Variants in MAP6 observed in about 807,000 individuals in gnomAD.
MAP6 encodes the protein microtubule associated protein 6.
MAP6 carries 26 observed loss-of-function variants against 42.4 expected under a neutral mutation model. The observed-to-expected ratio is 0.61, with a 90% CI of 0.45 to 0.85. The LOEUF (loss-of-function observed/expected upper bound fraction) is 0.85, where lower values mean the gene tolerates loss of function less well. MAP6 is among the 40% of genes least tolerant of loss of function. The pLI is 0.00. For missense variants in MAP6, 966 were observed against 1,099.0 expected, an observed-to-expected ratio of 0.88 and a Z score of 1.71; for synonymous variants, 418 against 443.8, an observed-to-expected ratio of 0.94 and a Z score of 0.73.
intron 1 of MAP6, among the ~76,000 whole-genome samples, chr11:75,633,710 T>C (rs964110808): frequency 6.6e-6 from 1 of 152,166 alleles, no homozygotes; most frequent in Admixed American, 6.5e-5. Context: ...GAAGTGAGCC[T>C]TGTGGGCTTC....
In MAP6 at chr11:75,646,579, C is replaced by T. The variant is rs1590800202; in HGVS notation, c.905+20886G>A. On this transcript the variant is annotated intron_variant, in intron 1 of 3. Transcript: ENST00000304771. ...CAGCACTCTGGGAGGCCGAGGTGGG[C>T]GGATCACCTGAGGTTGGGAGTTCGA... Among the ~76,000 whole-genome samples the T allele has an allele frequency of 2.0e-5, 3 of 146,602 alleles. No homozygotes were observed. In the South Asian group the frequency reaches 6.5e-4, roughly 32 times the overall value.
chr11:75,607,484 T>TTAGG (rs1565258819), intron 2 of MAP6: 4 of 985,348 alleles, frequency 4.1e-6, no homozygotes. Context: ...TGGAGGAATG[T>TTAGG]TACCTTAGGA....
At position 75,668,417 on chromosome 11, in the gene MAP6, G is replaced by A. The variant is rs1472768892; in HGVS notation, c.-48C>T. The A allele has an allele frequency of 6.5e-7, 1 of 1,549,242 alleles. No individual in the cohort carries two copies. Among genetic ancestry groups the A allele is most frequent in the Non-Finnish European group, 8.7e-7 (1 of 1,154,676 alleles). ...TCCTCTTTCTTCTTGTGGTTCTAAAGCAAGTCTCTATAATCTTCCTTCAGC... is the reference window on the plus strand; with the variant it reads ...TCCTCTTTCTTCTTGTGGTTCTAAAACAAGTCTCTATAATCTTCCTTCAGC... On this transcript the variant is annotated 5_prime_UTR_variant, in exon 1 of 4. Transcript: ENST00000304771.
chr11:75,654,506 T>C (rs772126118), intron 1 of MAP6, among the ~76,000 whole-genome samples: 6 of 152,200 alleles, frequency 3.9e-5, no homozygotes, highest in African/African-American at 7.2e-5. Context: ...CTTACCACTA[T>C]GACTATACTT....
At chr11:75,602,768 A>G (rs571238506) in intron 3 of MAP6, 2 of 933,310 alleles carry the variant, frequency 2.1e-6, no homozygotes, top group South Asian at 5.0e-5. Flanking sequence ...ACTGCAGGGC[A>G]CAGCTCATCT....
At chr11:75,606,789 A>C (rs1942786590) in intron 2 of MAP6, among the ~76,000 whole-genome samples, 1 of 151,504 alleles carries the variant, frequency 6.6e-6, no homozygotes, top group Non-Finnish European at 1.5e-5. Flanking sequence ...TTCTAAGCTC[A>C]CTCCACTCTC....
At chr11:75,606,323 C>T (rs76803820) in intron 2 of MAP6, among the ~76,000 whole-genome samples, 352 of 152,306 alleles carry the variant, frequency 2.3e-3, no homozygotes, top group African/African-American at 8.3e-3. Flanking sequence ...GAAGTTAACA[C>T]CTCATCACGT....
chr11:75,587,203 T>C lies in MAP6; in HGVS notation c.2298A>G (p.Val766=). 1 of 1,614,080 alleles carries C rather than the reference T, an allele frequency of 6.2e-7. No homozygotes were observed. Among genetic ancestry groups the C allele is most frequent in the African/African-American group, 1.3e-5 (1 of 74,998 alleles). Residue 766 remains valine, a synonymous_variant, in exon 4 of 4, where the codon GTA becomes GTG. Coordinates refer to ENST00000304771, the MANE Select transcript of MAP6 (RefSeq NM_033063.2). The part of the protein sequence containing the change: ...PLKDQDPLVP[V]PAKDQGPAVP... ...CTGCAGGACCTTGGTCCTTTGCTGG[T>C]ACTGGCACCAGAGGATCTTGATCCT...
At position 75,587,814 on chromosome 11, in the gene MAP6, C is replaced by G. The variant is rs750534536; in HGVS notation, c.1687G>C (p.Gly563Arg). The G allele has an allele frequency of 1.9e-6, 3 of 1,614,152 alleles. No homozygotes were observed. The highest frequency in any genetic ancestry group is 1.7e-6 in the Non-Finnish European group (2 of 1,180,016). Residue 563 changes from glycine to arginine, a missense_variant, in exon 4 of 4, where the codon GGT (glycine) becomes CGT (arginine). Transcript: ENST00000304771. Reference sequence around the variant, plus strand: ...TTCACAGGCTCAGGAATCCTAGGACCTTGATCCTTTAGAGACTCTGGTACC... The same window carrying G: ...TTCACAGGCTCAGGAATCCTAGGACGTTGATCCTTTAGAGACTCTGGTACC... Reference protein sequence around the residue: ...SVVPESLKDQGPRIPEPVKNQ... With the variant: ...SVVPESLKDQRPRIPEPVKNQ...
chr11:75,647,792 T>G (rs2135671836), intron 1 of MAP6, among the ~76,000 whole-genome samples: 1 of 152,348 alleles, frequency 6.6e-6, no homozygotes, highest in African/African-American at 2.4e-5. Flanking sequence ...TTTTTTGCAG[T>G]ACTTGAGAAC....
intron 3 of MAP6, 84 bp downstream of exon 3, chr11:75,605,724 T>C (rs1162501387): frequency 9.3e-5 from 146 of 1,561,970 alleles, no homozygotes; most frequent in Non-Finnish European, 1.2e-4. Flanking sequence ...TTTTGTGGCC[T>C]TTTTTGGTTT....
At chr11:75,662,962 CTTTT>C (rs35877922) in intron 1 of MAP6, among the ~76,000 whole-genome samples, 1 of 133,132 alleles carries the variant, frequency 7.5e-6, no homozygotes, top group Non-Finnish European at 1.6e-5. Flanking sequence ...AGGATTTGTA[CTTTT>C]TTTTTTTTTT....
chr11:75,664,710 A>G (rs1943917385), intron 1 of MAP6, among the ~76,000 whole-genome samples: 1 of 152,260 alleles, frequency 6.6e-6, no homozygotes, highest in South Asian at 2.1e-4. Context: ...ATATCCTAGA[A>G]ACATAGCAAG....
At chr11:75,654,019 T>C (rs1237072839) in intron 1 of MAP6, among the ~76,000 whole-genome samples, 2 of 152,228 alleles carry the variant, frequency 1.3e-5, no homozygotes, top group Non-Finnish European at 2.9e-5. Flanking sequence ...TTAAACACCA[T>C]GCACTAAGCT....
At chr11:75,637,745 T>C (rs983462505) in intron 1 of MAP6, among the ~76,000 whole-genome samples, 1 of 151,286 alleles carries the variant, frequency 6.6e-6, no homozygotes, top group Admixed American at 6.6e-5. Flanking sequence ...TGGATCAAAA[T>C]TATTGCCTTG....
chr11:75,626,389 G>A (rs147896531), intron 1 of MAP6, among the ~76,000 whole-genome samples: 2 of 152,308 alleles, frequency 1.3e-5, no homozygotes, highest in African/African-American at 2.4e-5. Context: ...GCTCAGGCTT[G>A]ACCCTGGAAG....
chr11:75,667,370 C>CA lies in MAP6; in HGVS notation c.905+94dup. 8.3e-7 allele frequency: 1 copy of CA among 1,197,636 alleles called. No individual in the cohort carries two copies. The highest frequency in any genetic ancestry group is 1.1e-6 in the Non-Finnish European group (1 of 914,154). The allele number at this position is 1,197,636 out of a possible 1,614,324, so 74.2% of individuals were successfully genotyped here. A position where few individuals can be genotyped will look rare whatever the true frequency, so the allele number is the denominator to read the frequency against. On this transcript the variant is annotated intron_variant, in intron 1 of 3. Transcript: ENST00000304771. The surrounding 1 kb of genome is among the most constrained non-coding windows in gnomAD (Gnocchi z 5.6). The stretch of plus-strand genomic sequence containing the variant: ...GTGGCCTGGGACTGGAGGGAGGCTG[C>CA]ACGCTAGGCCTGCGCTGGGGATCCT...
intron 3 of MAP6, chr11:75,605,238 A>T: frequency 1.0e-6 from 1 of 985,638 alleles, no homozygotes; most frequent in Non-Finnish European, 1.2e-6. Flanking sequence ...ATTCTATGAA[A>T]AGACCACTTA....
At chr11:75,614,111 G>A (rs1213311870) in intron 1 of MAP6, among the ~76,000 whole-genome samples, 1 of 152,122 alleles carries the variant, frequency 6.6e-6, no homozygotes, top group Non-Finnish European at 1.5e-5. Flanking sequence ...TTTACCTCAA[G>A]CTACCTGTGT....
Sources: allele counts gnomAD v4.1 joint callset (sites outside exome capture counted in the v4.1 genomes callset), GRCh38; gene constraint gnomAD v4.1.1; non-coding constraint Gnocchi (gnomAD v3.1); transcripts MANE v1.5; gene names NCBI Gene and HGNC (gene_info 2026-07-23, HGNC 2026-07-21).